ITM2C: variants seen among roughly 807,000 people sequenced by gnomAD.
ITM2C encodes BRICHOS domain containing 2C.
Under a neutral mutation model 30.0 loss-of-function variants are expected in ITM2C, and 20 were observed. The ratio of observed to expected loss-of-function variants is 0.67; its 90% CI spans 0.47 to 0.97. ITM2C has a LOEUF of 0.97. ITM2C is among the 50% of genes least tolerant of loss of function. ITM2C has a pLI of 0.00. For missense variants in ITM2C, 366 were observed against 371.9 expected (o/e 0.98, Z 0.13); for synonymous variants, 167 against 156.4 (o/e 1.07, Z -0.51).
chr2:230,865,102 C>CA lies in ITM2C; in HGVS notation c.77_78insA (p.Ala27CysfsTer14). ...GCTGACAAGGCGTCGGCGTCGGCCC[C>CA]TGCGCCGGCCTCGGCCACCGAGATC... On this transcript the variant is annotated frameshift_variant, in exon 1 of 6. Coordinates refer to ENST00000326427, the MANE Select transcript of ITM2C (RefSeq NM_030926.6). LOFTEE classifies it high-confidence loss of function. The surrounding 1 kb of genome is among the most constrained non-coding windows in gnomAD (Gnocchi z 6.8). 6.6e-7 allele frequency: 1 copy of CA among 1,515,102 alleles called. No homozygotes were observed. Among genetic ancestry groups the CA allele is most frequent in the Non-Finnish European group, 8.9e-7 (1 of 1,126,964 alleles). The allele number at this position is 1,515,102 out of a possible 1,614,324, so 93.9% of individuals were successfully genotyped here.
intron 2 of ITM2C, among the ~76,000 whole-genome samples, chr2:230,875,374 CG>C (rs1328973851): frequency 6.6e-6 from 1 of 152,186 alleles, no homozygotes; most frequent in Non-Finnish European, 1.5e-5. Flanking sequence ...TCCTCCCTTC[CG>C]TTTGTGAAGC....
At chr2:230,875,930 A>G in intron 3 of ITM2C, 122 bp downstream of exon 3, 2 of 763,518 alleles carry the variant, frequency 2.6e-6, no homozygotes, top group Non-Finnish European at 4.2e-6. Context: ...TAGGCTTACC[A>G]GGGTCTTCAA....
At position 230,873,324 on chromosome 2, in the gene ITM2C, G is replaced by A. The variant is rs748903197; in HGVS notation, c.121-93G>A. The A allele has an allele frequency of 9.2e-5, 120 of 1,301,852 alleles. No individual in the cohort carries two copies. The highest frequency in any genetic ancestry group is 5.4e-4 in the Middle Eastern group (2 of 3,674). The allele number at this position is 1,301,852 out of a possible 1,614,324, so 80.6% of individuals were successfully genotyped here. A position where few individuals can be genotyped will look rare whatever the true frequency, so the allele number is the denominator to read the frequency against. On this transcript the variant is annotated intron_variant, in intron 1 of 5. Transcript: ENST00000326427. ...CTCCCTTTCCCCCAAGACTCCCTCC[G>A]GGCCCAGCCAGCAGGTGAAGCCTGA...
In ITM2C at chr2:230,865,032, A is replaced by G; in HGVS notation, c.7A>G (p.Lys3Glu). 1 of 1,515,848 alleles carries G rather than the reference A, an allele frequency of 6.6e-7. No homozygotes were observed. Among genetic ancestry groups the G allele is most frequent in the Non-Finnish European group, 8.9e-7 (1 of 1,125,120 alleles). The allele number at this position is 1,515,848 out of a possible 1,614,324, so 93.9% of individuals were successfully genotyped here. A position where few individuals can be genotyped will look rare whatever the true frequency, so the allele number is the denominator to read the frequency against. ...CGCGCGGGCCGGCGCAGCCATGGTG[A>G]AGATTAGCTTCCAGCCCGCCGTGGC... MVKISFQPAVAGI... is the reference protein window; with the variant it reads MVEISFQPAVAGI... Residue 3 changes from lysine (K) to glutamate (E), a missense_variant, in exon 1 of 6, where the codon AAG becomes GAG. Transcript: ENST00000326427. The surrounding 1 kb of genome is among the most constrained non-coding windows in gnomAD (Gnocchi z 6.8).
chr2:230,876,727 G>C (rs969562123), intron 3 of ITM2C, 130 bp from the exon 4 acceptor site: 1 of 617,854 alleles, frequency 1.6e-6, no homozygotes, highest in Middle Eastern at 2.6e-4. Context: ...TGATCCGCCC[G>C]CCTCAGCCTC....
Position 230,866,014 on chromosome 2 carries a change from C to CG in ITM2C, c.120+876dup, listed in dbSNP as rs368266327. 1.4e-3 allele frequency among the ~76,000 whole-genome samples: 211 copies of CG among 152,210 alleles called. 1 individual carries two copies. The Middle Eastern group carries it at 0.017, about 12-fold the overall frequency. On this transcript the variant is annotated intron_variant, in intron 1 of 5. Coordinates refer to ENST00000326427, the MANE Select transcript of ITM2C (RefSeq NM_030926.6). ...CGGCTTCCTCCACTTTCCCTCTGGC[C>CG]GGGGGGGAGAGAAGGCATTTCCGCC...
In ITM2C at chr2:230,873,447, A is replaced by AG. The variant is rs772575176; in HGVS notation, c.158dup (p.Ser54LeufsTer39). 4 of 1,604,942 alleles carry AG rather than the reference A, an allele frequency of 2.5e-6. No individual in the cohort carries two copies. In the Admixed American group the frequency reaches 5.1e-5, roughly 20 times the overall value. ...GCAGCCCCCACAACATCGATCCAAG[A>AG]GGGGGGGCTCAGTGGGCGGCGTGTG... On this transcript the variant is annotated frameshift_variant, in exon 2 of 6. Transcript: ENST00000326427. LOFTEE classifies it high-confidence loss of function.
intron 2 of ITM2C, 109 bp downstream of exon 2, chr2:230,873,666 C>T (rs1319504098): frequency 7.9e-6 from 9 of 1,141,324 alleles, no homozygotes; most frequent in Non-Finnish European, 9.6e-6. Flanking sequence ...GACATGCCCT[C>T]AGGTGGGAGC....
Position 230,865,040 on chromosome 2 carries a change from C to A in ITM2C, c.15C>A (p.Ser5Arg). The change falls in exon 1 of 6, where the codon AGC becomes AGA. Residue 5 changes from serine to arginine, a missense_variant. By Grantham distance (110) the Ser-to-Arg change is moderately radical. Transcript: ENST00000326427. The surrounding 1 kb of genome is among the most constrained non-coding windows in gnomAD (Gnocchi z 6.8). ...CCGGCGCAGCCATGGTGAAGATTAG[C>A]TTCCAGCCCGCCGTGGCTGGCATCA... MVKI[S>R]FQPAVAGIKG... The A allele has an allele frequency of 6.6e-7, 1 of 1,525,988 alleles. No individual in the cohort carries two copies. Among genetic ancestry groups the A allele is most frequent in the Non-Finnish European group, 8.8e-7 (1 of 1,131,246 alleles). 94.5% of individuals were successfully genotyped at this position (1,525,988 alleles called of 1,614,324 possible).
At chr2:230,868,304 T>C (rs1032340716) in intron 1 of ITM2C, among the ~76,000 whole-genome samples, 2 of 152,006 alleles carry the variant, frequency 1.3e-5, no homozygotes, top group Admixed American at 6.5e-5. Context: ...GCTGGGACAC[T>C]GCCAGCTTGG....
intron 3 of ITM2C, among the ~76,000 whole-genome samples, chr2:230,876,248 T>C (rs898388264): frequency 7.2e-5 from 11 of 152,188 alleles, no homozygotes; most frequent in African/African-American, 2.4e-4. Flanking sequence ...AGCTGGGATG[T>C]TACCATGTTC....
At chr2:230,876,619 C>G in intron 3 of ITM2C, among the ~76,000 whole-genome samples, 1 of 152,154 alleles carries the variant, frequency 6.6e-6, no homozygotes, top group South Asian at 2.1e-4. Flanking sequence ...GTAGCTGGGA[C>G]TACAGGTGCC....
intron 3 of ITM2C, 32 bp downstream of exon 3, chr2:230,875,840 T>TGGGGG: frequency 6.9e-6 from 1 of 144,998 alleles, no homozygotes; most frequent in Non-Finnish European, 1.4e-5. Context: ...GGGTGGGGGG[T>TGGGGG]GGGAGGGTGT....
At position 230,871,390 on chromosome 2, in the gene ITM2C, A is replaced by G. The variant is rs764288194; in HGVS notation, c.121-2027A>G. ...GTGGTTCGATCCCTGGGAGATGCCA[A>G]CGGAAGGTGTCACCCCCGTCTCTTG... On this transcript the variant is annotated intron_variant, in intron 1 of 5. Transcript: ENST00000326427. Among the ~76,000 whole-genome samples, 6 of 152,246 alleles carry G rather than the reference A, an allele frequency of 3.9e-5. No individual in the cohort carries two copies. In the East Asian group the frequency reaches 7.7e-4, roughly 19 times the overall value.
At chr2:230,873,231 C>G in intron 1 of ITM2C, 186 bp from the exon 2 acceptor site, 1 of 489,828 alleles carries the variant, frequency 2.0e-6, no homozygotes, top group East Asian at 3.4e-5. Context: ...CTCGGTTTCT[C>G]TTTAGCCAGG....
intron 1 of ITM2C, among the ~76,000 whole-genome samples, chr2:230,867,328 A>G (rs999152129): frequency 6.6e-6 from 1 of 152,158 alleles, no homozygotes; most frequent in African/African-American, 2.4e-5. Flanking sequence ...AGCCTTGGAA[A>G]CAGTTCACTT....
intron 1 of ITM2C, among the ~76,000 whole-genome samples, chr2:230,866,240 A>C (rs1417133921): frequency 6.6e-6 from 1 of 152,042 alleles, no homozygotes; most frequent in African/African-American, 2.4e-5. Context: ...CCCACCCCGC[A>C]TTGAGGCAGG....
At chr2:230,874,946 A>G (rs1697253596) in intron 2 of ITM2C, among the ~76,000 whole-genome samples, 1 of 152,218 alleles carries the variant, frequency 6.6e-6, no homozygotes, top group South Asian at 2.1e-4. Context: ...GGTCAGGGAT[A>G]TCCAGGAAGG....
At chr2:230,875,854 G>T in intron 3 of ITM2C, 46 bp downstream of exon 3, 1 of 1,176,130 alleles carries the variant, frequency 8.5e-7, no homozygotes, top group Non-Finnish European at 1.2e-6. Flanking sequence ...AGGGTGTCCC[G>T]GGGACTCAGG....
Sources: gnomAD v4.1 joint callset for allele counts (sites outside exome capture counted in the v4.1 genomes callset) on GRCh38, gnomAD v4.1.1 for gene constraint, Gnocchi (gnomAD v3.1) non-coding constraint, MANE v1.5 for transcripts, NCBI Gene and HGNC (gene_info 2026-07-23, HGNC 2026-07-21) for gene names.